Variants in PAK3 observed in about 807,000 individuals in gnomAD.
PAK3 encodes serine/threonine-protein kinase PAK 3.
In PAK3, 4 loss-of-function variants were observed where a neutral mutation model predicts 41.0. That is an observed-to-expected ratio of 0.10 (90% confidence interval 0.05 to 0.22). The LOEUF (loss-of-function observed/expected upper bound fraction) is 0.22, where lower values mean the gene tolerates loss of function less well. Among genes scored for constraint, PAK3 ranks in the 10% least tolerant of loss-of-function variants. The probability of loss-of-function intolerance (pLI) is 1.00; values close to 1 mark genes in which losing one functional copy is unlikely to be tolerated. For synonymous variants in PAK3, 146 were observed against 139.6 expected, an observed-to-expected ratio of 1.05 and a Z score of -0.32; for missense variants, 205 against 409.9, an observed-to-expected ratio of 0.50 and a Z score of 4.32.
intron 4 of PAK3, among the ~76,000 whole-genome samples, chrX:111,105,946 TCATA>T (rs1319598056): frequency 2.7e-5 from 3 of 112,057 alleles, no homozygotes; most frequent in African/African-American, 9.7e-5. Context: ...CATTCAGTAC[TCATA>T]CAAATTCACA....
At chrX:111,061,529 A>C (rs2092655342) in intron 1 of PAK3, among the ~76,000 whole-genome samples, 1 of 111,852 alleles carries the variant, frequency 8.9e-6, no homozygotes, top group Admixed American at 9.5e-5. Flanking sequence ...CTTTTTTATT[A>C]TGTAGATTGT....
At chrX:111,083,013 T>C (rs758380167) in intron 1 of PAK3, among the ~76,000 whole-genome samples, 2 of 112,469 alleles carry the variant, frequency 1.8e-5, no homozygotes, top group Non-Finnish European at 3.7e-5. Flanking sequence ...TGCAAATTAG[T>C]GCCAAAGAAA....
At chrX:111,184,069 A>G (rs890748515) in intron 11 of PAK3, among the ~76,000 whole-genome samples, 3 of 111,441 alleles carry the variant, frequency 2.7e-5, no homozygotes, top group South Asian at 7.6e-4. Context: ...TCTCATTTGT[A>G]ATGAGGAAGT....
At chrX:110,992,033 T>A (rs761403146) in intron 1 of PAK3, among the ~76,000 whole-genome samples, 8 of 110,508 alleles carry the variant, frequency 7.2e-5, no homozygotes, top group Admixed American at 4.8e-4. Flanking sequence ...TGATAAGGAG[T>A]TGTAAAATGG....
At chrX:111,106,124 G>T (rs187016234) in intron 4 of PAK3, among the ~76,000 whole-genome samples, 1 of 109,301 alleles carries the variant, frequency 9.1e-6, no homozygotes, top group Non-Finnish European at 1.9e-5. Flanking sequence ...TCCCCCACTC[G>T]TACATCACAC....
At chrX:111,198,688 T>C (rs2149339456) in intron 16 of PAK3, among the ~76,000 whole-genome samples, 1 of 111,120 alleles carries the variant, frequency 9.0e-6, no homozygotes, top group Admixed American at 9.6e-5. Context: ...CATCTATGTG[T>C]CTATTTTTTT....
intron 1 of PAK3, among the ~76,000 whole-genome samples, chrX:110,984,346 A>G (rs1324775098): frequency 8.9e-6 from 1 of 111,753 alleles, no homozygotes; most frequent in Non-Finnish European, 1.9e-5. Flanking sequence ...ATACACACAC[A>G]TATACATCCA....
At chrX:111,149,608 A>G (rs1255080037) in intron 7 of PAK3, among the ~76,000 whole-genome samples, 1 of 112,511 alleles carries the variant, frequency 8.9e-6, no homozygotes, top group African/African-American at 3.2e-5. Flanking sequence ...GAAGCTGCCA[A>G]GGCTTGGGGA....
intron 1 of PAK3, among the ~76,000 whole-genome samples, chrX:110,999,211 C>T (rs995769626): frequency 3.6e-5 from 4 of 111,803 alleles, no homozygotes; most frequent in African/African-American, 1.3e-4. Context: ...CTCTTACTTG[C>T]TGGAGGGTAG....
intron 1 of PAK3, among the ~76,000 whole-genome samples, chrX:110,976,759 A>T (rs1474631457): frequency 5.4e-5 from 6 of 111,789 alleles, no homozygotes; most frequent in African/African-American, 2.0e-4. Context: ...CACATATACA[A>T]CATGGAATAC....
At chrX:110,995,896 A>G (rs1383547952) in intron 1 of PAK3, among the ~76,000 whole-genome samples, 1 of 111,376 alleles carries the variant, frequency 9.0e-6, no homozygotes, top group Non-Finnish European at 1.9e-5. Context: ...GCCTTGCCCC[A>G]ACTTCCCCAT....
chrX:111,208,253 G>GA (rs1220466984), intron 16 of PAK3, among the ~76,000 whole-genome samples: 1 of 112,540 alleles, frequency 8.9e-6, no homozygotes, highest in Admixed American at 9.4e-5. Flanking sequence ...TCAAAAAGTT[G>GA]AAAAAATAAG....
At chrX:110,984,613 C>T (rs749744057) in intron 1 of PAK3, among the ~76,000 whole-genome samples, 2 of 111,755 alleles carry the variant, frequency 1.8e-5, no homozygotes, top group African/African-American at 3.3e-5. Context: ...AGGCTGCTGC[C>T]CACCATGACT....
At chrX:110,984,201 G>A (rs2091499512) in intron 1 of PAK3, among the ~76,000 whole-genome samples, 1 of 111,915 alleles carries the variant, frequency 8.9e-6, no homozygotes, top group Admixed American at 9.5e-5. Context: ...ACATAAGATT[G>A]TGCAGATGGG....
At chrX:111,117,804 G>A (rs2093492601) in intron 4 of PAK3, among the ~76,000 whole-genome samples, 1 of 111,907 alleles carries the variant, frequency 8.9e-6, no homozygotes, top group Admixed American at 9.5e-5. Context: ...CGACTGAGGG[G>A]CTCTTACCCT....
At chrX:110,982,224 G>T (rs1437545585) in intron 1 of PAK3, among the ~76,000 whole-genome samples, 1 of 111,597 alleles carries the variant, frequency 9.0e-6, no homozygotes, top group African/African-American at 3.3e-5. Context: ...GGAAGAAAGA[G>T]GCTGAAAATA....
intron 17 of PAK3, chrX:111,217,486 G>C (rs1365897408): frequency 5.2e-6 from 5 of 960,912 alleles, no homozygotes; most frequent in Non-Finnish European, 6.7e-6. Context: ...ATTAACCACA[G>C]ATTGTCTGTT....
chrX:111,005,283 A>G (rs1385524099), intron 1 of PAK3, among the ~76,000 whole-genome samples: 1 of 111,154 alleles, frequency 9.0e-6, no homozygotes, highest in Non-Finnish European at 1.9e-5. Flanking sequence ...TGCTTGAGAA[A>G]CAGTGCTGCA....
rs191245801 is a variant in PAK3 at position 111,171,181 on chromosome X, A to G, written c.767-1837A>G. On this transcript the variant is annotated intron_variant, in intron 10 of 17. Coordinates refer to ENST00000372007, the MANE Select transcript of PAK3 (RefSeq NM_002578.5). The stretch of plus-strand genomic sequence containing the variant: ...GAACAATAGCAGTGGCCATGGGCAT[A>G]GAGAGAAGAGTATGAATACGAGTGA... 3.4e-3 allele frequency among the ~76,000 whole-genome samples: 378 copies of G among 111,572 alleles called. 5 individuals carry two copies. Among genetic ancestry groups the G allele is most frequent in the African/African-American group, 0.011 (340 of 30,813 alleles).
Sources: gnomAD v4.1 joint callset for allele counts (sites outside exome capture counted in the v4.1 genomes callset) on GRCh38, gnomAD v4.1.1 for gene constraint, MANE v1.5 for transcripts, NCBI Gene and HGNC (gene_info 2026-07-23, HGNC 2026-07-21) for gene names.